The following AGAP1 variants were observed in gnomAD, a reference collection of about 807,000 sequenced individuals.
The protein encoded by AGAP1 is ArfGAP with GTPase domain, ankyrin repeat and PH domain 1.
In AGAP1, 29 loss-of-function variants were observed where a neutral mutation model predicts 105.3. That is an observed-to-expected ratio of 0.28 (90% CI 0.21 to 0.38). The LOEUF (loss-of-function observed/expected upper bound fraction) is 0.38, where lower values mean the gene tolerates loss of function less well. AGAP1 is among the 10% of genes least tolerant of loss of function. The probability of loss-of-function intolerance (pLI) is 1.00; values close to 1 mark genes in which losing one functional copy is unlikely to be tolerated. For synonymous variants in AGAP1, 509 were observed against 485.9 expected, an observed-to-expected ratio of 1.05 and a Z score of -0.63; for missense variants, 998 against 1,165.1, an observed-to-expected ratio of 0.86 and a Z score of 2.09.
At chr2:235,694,002 A>G (rs1258996311) in intron 1 of AGAP1, among the ~76,000 whole-genome samples, 1 of 152,206 alleles carries the variant, frequency 6.6e-6, no homozygotes, top group Non-Finnish European at 1.5e-5. Context: ...CTGCATAGTT[A>G]ACTGTCCATT....
Position 235,771,977 on chromosome 2 carries a change from CT to C in AGAP1, c.673+21500del, listed in dbSNP as rs1383458717. On this transcript the variant is annotated intron_variant, in intron 6 of 17. Transcript: ENST00000304032. ...TCCGGAGCTGACATGTTTCTTGTTT[CT>C]TTTTTTTTTTCTTTTCTTATCTTTT... 6.7e-3 allele frequency among the ~76,000 whole-genome samples: 901 copies of C among 135,116 alleles called. 4 individuals are homozygous for C. Among genetic ancestry groups the C allele is most frequent in the African/African-American group, 0.022 (830 of 37,556 alleles). The allele number at this position is 135,116 out of a possible 152,430, so 88.6% of individuals were successfully genotyped here.
chr2:235,538,869 A>G (rs922198016), intron 1 of AGAP1, among the ~76,000 whole-genome samples: 11 of 152,174 alleles, frequency 7.2e-5, no homozygotes, highest in African/African-American at 2.4e-4. Flanking sequence ...AAGTTTTTAA[A>G]AGTAAGTGGA....
At position 235,553,265 on chromosome 2, in the gene AGAP1, AGG is replaced by A. The variant is rs948671558; in HGVS notation, c.163+58420_163+58421del. 6.7e-6 allele frequency among the ~76,000 whole-genome samples: 1 copy of A among 148,518 alleles called. No homozygotes were observed. Among genetic ancestry groups the A allele is most frequent in the East Asian group, 2.0e-4 (1 of 4,926 alleles). On this transcript the variant is annotated intron_variant, in intron 1 of 17. Coordinates refer to ENST00000304032, the MANE Select transcript of AGAP1 (RefSeq NM_001037131.3). The surrounding 1 kb of genome is among the most constrained non-coding windows in gnomAD (Gnocchi z 4.5). The stretch of plus-strand genomic sequence containing the variant: ...TTATATTAAGGGCTGGGGGAAGAGG[AGG>A]GGGTTGAGATCAAGAGATGACCAAC...
rs1410593119 is a variant in AGAP1, at chr2:235,882,927, C to T, written c.1051-418C>T. Among the ~76,000 whole-genome samples the T allele has an allele frequency of 6.6e-6, 1 of 152,142 alleles. No homozygotes were observed. The highest frequency in any genetic ancestry group is 2.4e-5 in the African/African-American group (1 of 41,424). On this transcript the variant is annotated intron_variant, in intron 9 of 17. Transcript: ENST00000304032. This position sits in a 1 kb window ranked among gnomAD's most constrained non-coding sequence, Gnocchi z 4.6. ...TCCTGGGCTCAAGAGATCCTCCCAC[C>T]TCAACCCCCCACGTAACTGGGATTA...
chr2:235,828,119 T>A (rs749431959), intron 9 of AGAP1, among the ~76,000 whole-genome samples: 3 of 152,226 alleles, frequency 2.0e-5, no homozygotes, highest in Non-Finnish European at 4.4e-5. Context: ...TTTTCTGGCT[T>A]GTTCTCATGT....
chr2:235,681,094 C>G (rs1426608468), intron 1 of AGAP1, among the ~76,000 whole-genome samples: 1 of 152,054 alleles, frequency 6.6e-6, no homozygotes, highest in Non-Finnish European at 1.5e-5. Context: ...CTGCAAGCTC[C>G]GCCTCCCAGG....
intron 8 of AGAP1, among the ~76,000 whole-genome samples, chr2:235,803,052 GTGA>G (rs1167468599): frequency 2.0e-3 from 3 of 1,466 alleles, no homozygotes; most frequent in African/African-American, 5.9e-3. Context: ...GATGGTTGTG[GTGA>G]TGGTGGTGAT....
At chr2:235,945,499 C>G (rs1455927391) in intron 12 of AGAP1, among the ~76,000 whole-genome samples, 5 of 152,328 alleles carry the variant, frequency 3.3e-5, no homozygotes, top group Admixed American at 3.3e-4. Flanking sequence ...CAGCCTGTTT[C>G]TACAAATCTG....
rs955909321 is a variant in AGAP1 at position 236,051,147 on chromosome 2, T to G, written c.2114+1866T>G. On this transcript the variant is annotated intron_variant, in intron 16 of 17. Transcript: ENST00000304032. The surrounding 1 kb of genome is among the most constrained non-coding windows in gnomAD (Gnocchi z 5.9). ...GTAATTCCTCTCCAAGACTGTGGTG[T>G]TGGTGATGTGGTTCTGTGCTGTTGC... Among the ~76,000 whole-genome samples, 1 of 152,210 alleles carries G rather than the reference T, an allele frequency of 6.6e-6. No individual in the cohort carries two copies. Among genetic ancestry groups the G allele is most frequent in the African/African-American group, 2.4e-5 (1 of 41,452 alleles).
Position 235,980,306 on chromosome 2 carries a change from G to A in AGAP1, c.1645+11683G>A, listed in dbSNP as rs114903781. Among the ~76,000 whole-genome samples, 447 of 152,256 alleles carry A rather than the reference G, an allele frequency of 2.9e-3. 1 individual carries two copies. Among genetic ancestry groups the A allele is most frequent in the Non-Finnish European group, 4.9e-3 (333 of 68,016 alleles). On this transcript the variant is annotated intron_variant, in intron 13 of 17. Coordinates refer to ENST00000304032, the MANE Select transcript of AGAP1 (RefSeq NM_001037131.3). ...AGGGGTTTGAAGTGCCTTGTACATC[G>A]TCATCCCAGGATAAGTGCTTTTTAG...
intron 1 of AGAP1, among the ~76,000 whole-genome samples, chr2:235,697,529 AG>A (rs1477802421): frequency 2.0e-5 from 3 of 152,144 alleles, no homozygotes; most frequent in Non-Finnish European, 2.9e-5. Context: ...TGTGCCTGGG[AG>A]GGGTGACCCT....
chr2:235,648,526 A>C (rs141976146), intron 1 of AGAP1, among the ~76,000 whole-genome samples: 1 of 152,084 alleles, frequency 6.6e-6, no homozygotes, highest in South Asian at 2.1e-4. Flanking sequence ...AGGGTTTTCT[A>C]TTCACACTGT....
At chr2:236,106,590 G>A (rs1040068654) in intron 16 of AGAP1, among the ~76,000 whole-genome samples, 6 of 152,240 alleles carry the variant, frequency 3.9e-5, no homozygotes, top group African/African-American at 4.8e-5. Flanking sequence ...CCAGGAACCC[G>A]AGAATTCACG....
intron 16 of AGAP1, among the ~76,000 whole-genome samples, chr2:236,108,682 G>A (rs925927220): frequency 6.6e-6 from 1 of 152,140 alleles, no homozygotes; most frequent in African/African-American, 2.4e-5. Context: ...TCGGGAAGGG[G>A]TGTTGCTCAG....
chr2:235,680,836 C>T (rs1949025467), intron 1 of AGAP1, among the ~76,000 whole-genome samples: 2 of 152,206 alleles, frequency 1.3e-5, no homozygotes, highest in Non-Finnish European at 2.9e-5. Context: ...GCTCAGAGTT[C>T]TACTCCACAC....
intron 6 of AGAP1, among the ~76,000 whole-genome samples, chr2:235,763,439 T>G (rs1954636547): frequency 6.6e-6 from 1 of 152,202 alleles, no homozygotes; most frequent in Non-Finnish European, 1.5e-5. Context: ...TTGGACCCAG[T>G]CTCCAATTAG....
Position 235,993,110 on chromosome 2 carries a change from G to A in AGAP1, c.1645+24487G>A, listed in dbSNP as rs2055644198. On this transcript the variant is annotated intron_variant, in intron 13 of 17. Transcript: ENST00000304032. This position sits in a 1 kb window ranked among gnomAD's most constrained non-coding sequence, Gnocchi z 5.0. ...GAGATTCTAGCTAATACATGGAGTT[G>A]TGCTTCCTAAGTATTGATAGCGGCG... is the stretch of plus-strand genomic sequence containing the variant. 6.6e-6 allele frequency among the ~76,000 whole-genome samples: 1 copy of A among 152,194 alleles called. No individual in the cohort carries two copies. The highest frequency in any genetic ancestry group is 6.5e-5 in the Admixed American group (1 of 15,278).
chr2:235,583,606 G>C (rs952906401), intron 1 of AGAP1, among the ~76,000 whole-genome samples: 2 of 148,950 alleles, frequency 1.3e-5, no homozygotes, highest in Admixed American at 6.7e-5. Flanking sequence ...GTTTGGTGTG[G>C]TGGCTCATGC....
chr2:236,037,752 A>G (rs541555417), intron 14 of AGAP1, among the ~76,000 whole-genome samples: 3 of 152,278 alleles, frequency 2.0e-5, no homozygotes, highest in African/African-American at 7.2e-5. Context: ...TTCCTTCTAC[A>G]AAAGTCCTTT....
Sources: allele counts gnomAD v4.1 joint callset (sites outside exome capture counted in the v4.1 genomes callset), GRCh38; gene constraint gnomAD v4.1.1; non-coding constraint Gnocchi (gnomAD v3.1); transcripts MANE v1.5; gene names NCBI Gene and HGNC (gene_info 2026-07-23, HGNC 2026-07-21).